PHC1: variants seen among roughly 807,000 people sequenced by gnomAD.
The protein encoded by PHC1 is polyhomeotic homolog 1, also known as polyhomeotic-like protein 1.
PHC1 carries 12 observed loss-of-function variants against 104.3 expected under a neutral mutation model. That is an observed-to-expected ratio of 0.12 (90% CI 0.07 to 0.19). The LOEUF is 0.19. Ranked by LOEUF, PHC1 falls within the 10% of genes least tolerant of loss-of-function variation. The probability of loss-of-function intolerance (pLI) is 1.00; values close to 1 mark genes in which losing one functional copy is unlikely to be tolerated. For missense variants in PHC1, 671 were observed against 1,200.0 expected, an observed-to-expected ratio of 0.56 and a Z score of 6.51; for synonymous variants, 302 against 455.8, an observed-to-expected ratio of 0.66 and a Z score of 4.30.
intron 5 of PHC1, 38 bp from the exon 6 acceptor site, chr12:8,922,595 C>A: frequency 6.5e-7 from 1 of 1,536,406 alleles, no homozygotes; most frequent in South Asian, 1.2e-5. Context: ...TTCTTTCCCT[C>A]TTGTCCTCTT....
chr12:8,921,553 T>C (rs1454130400), intron 4 of PHC1, 48 bp from the exon 5 acceptor site: 1 of 1,592,688 alleles, frequency 6.3e-7, no homozygotes, highest in East Asian at 2.2e-5. Flanking sequence ...TACCTTTCCT[T>C]TTACTTCTCC....
chr12:8,937,867 T>G lies in PHC1; in HGVS notation c.2667T>G (p.Ser889Arg). The part of the protein sequence containing the change: ...EDSSRGSDNS[S>R]YDEALSPTSP... ...CTAGCCGGGGTTCAGATAATTCCAG[T>G]TATGATGAAGCACTCTCTCCAACAT... The change falls in exon 14 of 15, where the codon AGT becomes AGG. Residue 889 changes from serine (S) to arginine (R), a missense_variant. Ser to Arg is a moderately radical substitution (Grantham distance 110). Transcript: ENST00000544916. 3 of 1,613,284 alleles carry G rather than the reference T, an allele frequency of 1.9e-6. No homozygotes were observed. Among genetic ancestry groups the G allele is most frequent in the Non-Finnish European group, 2.5e-6 (3 of 1,179,312 alleles).
Position 8,919,757 on chromosome 12 carries a change from C to T in PHC1, c.116C>T (p.Ala39Val). 1 of 1,611,912 alleles carries T rather than the reference C, an allele frequency of 6.2e-7. No homozygotes were observed. Among genetic ancestry groups the T allele is most frequent in the Non-Finnish European group, 8.5e-7 (1 of 1,179,398 alleles). The stretch of plus-strand genomic sequence containing the variant: ...ATGTTTTATCCTCTCTTTTCCTAGG[C>T]TCTGCAAGCACTGCAGCGGCAGCCC... Reference protein sequence around the residue: ...MSLYERQAVQALQALQRQPNA... With the variant: ...MSLYERQAVQVLQALQRQPNA... The change falls in exon 3 of 15, where the codon GCT becomes GTT. Residue 39 changes from alanine to valine, a missense_variant and splice_region_variant. Physicochemically the swap from Ala to Val is moderately conservative, Grantham distance 64. Transcript: ENST00000544916. This position sits in a 1 kb window ranked among gnomAD's most constrained non-coding sequence, Gnocchi z 4.9.
intron 7 of PHC1, among the ~76,000 whole-genome samples, chr12:8,931,139 C>G (rs1253626090): frequency 6.6e-6 from 1 of 152,092 alleles, no homozygotes; most frequent in Non-Finnish European, 1.5e-5. Flanking sequence ...TCTGTTTCTA[C>G]CAGGCAGTAG....
At chr12:8,922,815 G>C in intron 6 of PHC1, 27 bp downstream of exon 6, 1 of 1,607,064 alleles carries the variant, frequency 6.2e-7, no homozygotes, top group Non-Finnish European at 8.5e-7. Context: ...TTACCTGTGG[G>C]TGGGCACTGG....
chr12:8,927,968 G>A (rs1346326809), intron 6 of PHC1, among the ~76,000 whole-genome samples: 1 of 138,020 alleles, frequency 7.2e-6, no homozygotes, highest in Non-Finnish European at 1.5e-5. Context: ...GTGCTGTGGT[G>A]TGATCTCGGC....
At chr12:8,929,703 A>AT (rs1381953295) in intron 6 of PHC1, among the ~76,000 whole-genome samples, 3 of 151,906 alleles carry the variant, frequency 2.0e-5, no homozygotes, top group South Asian at 2.1e-4. Flanking sequence ...AATTTTCTGT[A>AT]TTTTTTTGTA....
At chr12:8,917,947 G>A (rs1406618721) in intron 2 of PHC1, among the ~76,000 whole-genome samples, 156 bp downstream of exon 2, 3 of 152,184 alleles carry the variant, frequency 2.0e-5, no homozygotes, top group Admixed American at 2.0e-4. Context: ...AATCTTAGGA[G>A]TTTACAAATG....
At chr12:8,924,092 C>A (rs1945447677) in intron 6 of PHC1, among the ~76,000 whole-genome samples, 1 of 151,998 alleles carries the variant, frequency 6.6e-6, no homozygotes. Context: ...GGAACTAATC[C>A]CCTGTGGATA....
At chr12:8,936,428 C>T (rs1945840515) in intron 11 of PHC1, among the ~76,000 whole-genome samples, 1 of 152,044 alleles carries the variant, frequency 6.6e-6, no homozygotes, top group Non-Finnish European at 1.5e-5. Flanking sequence ...ACATTTATAT[C>T]TTTAATTTCC....
chr12:8,936,516 G>A (rs1382937214), intron 11 of PHC1, among the ~76,000 whole-genome samples: 1 of 152,076 alleles, frequency 6.6e-6, no homozygotes, highest in African/African-American at 2.4e-5. Flanking sequence ...AAATCTTTGT[G>A]GTAGAAGGAT....
intron 3 of PHC1, among the ~76,000 whole-genome samples, chr12:8,920,351 T>C (rs1945326305): frequency 6.6e-6 from 1 of 152,246 alleles, no homozygotes; most frequent in Non-Finnish European, 1.5e-5. Flanking sequence ...GTGGTTCATA[T>C]TATATTTATA....
Position 8,930,830 on chromosome 12 carries a change from C to T in PHC1, c.1008C>T (p.Ala336=). ...AGACAGAGGCAGAAAGTGCAGCAGC[C>T]AAGAAGGCAGAAGCAGATGGGAGTG... is the stretch of plus-strand genomic sequence containing the variant. ...GSQTEAESAA[A]KKAEADGSGQ... is the part of the protein sequence containing the mutation. Residue 336 remains alanine (A), a synonymous_variant, in exon 7 of 15, where the codon GCC becomes GCT. Transcript: ENST00000544916. 2 of 1,539,782 alleles carry T rather than the reference C, an allele frequency of 1.3e-6. No individual in the cohort carries two copies. The highest frequency in any genetic ancestry group is 1.8e-6 in the Non-Finnish European group (2 of 1,134,682).
rs144432013 is a variant in PHC1 at position 8,921,938 on chromosome 12, C to G, written c.456+188C>G. Among the ~76,000 whole-genome samples, 141 of 152,340 alleles carry G rather than the reference C, an allele frequency of 9.3e-4. 1 individual carries two copies. The highest frequency in any genetic ancestry group is 3.2e-3 in the African/African-American group (131 of 41,572). ...CAGCGATTCTCCTGCCTCAGCCTCC[C>G]AGGTAGCTGGGATTACAGGCATGCA... On this transcript the variant is annotated intron_variant, in intron 5 of 14. Coordinates refer to ENST00000544916, the MANE Select transcript of PHC1 (RefSeq NM_004426.3).
chr12:8,929,790 G>A (rs890680640), intron 6 of PHC1, among the ~76,000 whole-genome samples: 1 of 152,150 alleles, frequency 6.6e-6, no homozygotes, highest in Non-Finnish European at 1.5e-5. Flanking sequence ...AAAGTGTTGG[G>A]ATTACAGGCA....
At chr12:8,935,468 A>T (rs1945808196) in intron 11 of PHC1, among the ~76,000 whole-genome samples, 2 of 152,082 alleles carry the variant, frequency 1.3e-5, no homozygotes, top group African/African-American at 4.8e-5. Context: ...TCTACTACAA[A>T]TACAAAAATT....
In PHC1 at chr12:8,924,309, TCTACTAAA is replaced by T. The variant is rs1945453449; in HGVS notation, c.612+1522_612+1529del. Among the ~76,000 whole-genome samples, 4 of 152,138 alleles carry T rather than the reference TCTACTAAA, an allele frequency of 2.6e-5. No individual in the cohort carries two copies. The South Asian group carries it at 8.3e-4, about 32-fold the overall frequency. On this transcript the variant is annotated intron_variant, in intron 6 of 14. Coordinates refer to ENST00000544916, the MANE Select transcript of PHC1 (RefSeq NM_004426.3). ...CTGACCAATATGGTGAAACCCTGTC[TCTACTAAA>T]AATACAAAAATTAGCCGGGCATGGT...
chr12:8,922,339 G>A (rs1178886042), intron 5 of PHC1, among the ~76,000 whole-genome samples: 2 of 152,086 alleles, frequency 1.3e-5, no homozygotes, highest in African/African-American at 2.4e-5. Context: ...CTGTGTTATC[G>A]CTCAGCCTAC....
At position 8,933,870 on chromosome 12, in the gene PHC1, A is replaced by C; in HGVS notation, c.1899A>C (p.Lys633Asn). The change falls in exon 9 of 15, where the codon AAA becomes AAC. Residue 633 changes from lysine to asparagine, a missense_variant. Lys to Asn is a moderately conservative substitution (Grantham distance 94, BLOSUM62 0). This residue lies in a region of PHC1 where 95 missense variants were observed against 108.8 expected (regional missense o/e 0.87). Coordinates refer to ENST00000544916, the MANE Select transcript of PHC1 (RefSeq NM_004426.3). ...FYMQSVHLPG[K>N]PQTLAVKRKA... Reference sequence around the variant, plus strand: ...TCCTATTCTTTACGGTATAGGGTAAACCCCAGACATTGGCTGTCAAACGCA... The same window carrying C: ...TCCTATTCTTTACGGTATAGGGTAACCCCCAGACATTGGCTGTCAAACGCA... 6.2e-7 allele frequency: 1 copy of C among 1,613,120 alleles called. No individual in the cohort carries two copies. Among genetic ancestry groups the C allele is most frequent in the Middle Eastern group, 1.6e-4 (1 of 6,062 alleles).
Sources: gnomAD v4.1 joint callset for allele counts (sites outside exome capture counted in the v4.1 genomes callset) on GRCh38, gnomAD v4.1.1 for gene constraint, gnomAD v4.1.1 regional missense constraint, Gnocchi (gnomAD v3.1) non-coding constraint, MANE v1.5 for transcripts, NCBI Gene and HGNC (gene_info 2026-07-23, HGNC 2026-07-21) for gene names.